MDN1: variants seen among roughly 807,000 people sequenced by gnomAD.
The protein encoded by MDN1 is midasin AAA ATPase 1.
In MDN1, 266 loss-of-function variants were observed where a neutral mutation model predicts 669.2. The ratio of observed to expected loss-of-function variants is 0.40; its 90% CI spans 0.36 to 0.44. The LOEUF (loss-of-function observed/expected upper bound fraction) is 0.44. Among genes scored for constraint, MDN1 ranks in the 20% least tolerant of loss-of-function variants. The probability of loss-of-function intolerance (pLI) is 1.00; values close to 1 mark genes in which losing one functional copy is unlikely to be tolerated. For missense variants in MDN1, 5,940 were observed against 6,754.0 expected (o/e 0.88, Z 4.22); for synonymous variants, 2,385 against 2,457.1 (o/e 0.97, Z 0.87).
rs377734093 is a variant in MDN1 at position 89,692,610 on chromosome 6, G to A, written c.10420C>T (p.Leu3474=). ...SEEVLRGLGK[L]ILKRSGGKEL... ...TTTCCTCCTGAGCGCTTGAGGATTAGCTTCCCAAGGCCTCGTAGAACCTCC... is the reference window on the plus strand; with the variant it reads ...TTTCCTCCTGAGCGCTTGAGGATTAACTTCCCAAGGCCTCGTAGAACCTCC... The change falls in exon 63 of 102, where the codon CTA becomes TTA. Residue 3474 remains leucine (L), a synonymous_variant. Coordinates refer to ENST00000369393, the MANE Select transcript of MDN1 (RefSeq NM_014611.3). 9 of 1,614,110 alleles carry A rather than the reference G, an allele frequency of 5.6e-6. No homozygotes were observed. Among genetic ancestry groups the A allele is most frequent in the South Asian group, 1.1e-5 (1 of 91,082 alleles).
intron 17 of MDN1, among the ~76,000 whole-genome samples, chr6:89,760,659 G>T (rs1340133358): frequency 6.6e-6 from 1 of 151,940 alleles, no homozygotes; most frequent in African/African-American, 2.4e-5. Context: ...ATCTTATTTG[G>T]CTTGAAAAAA....
At chr6:89,681,460 C>T (rs983094038) in intron 73 of MDN1, among the ~76,000 whole-genome samples, 1 of 152,116 alleles carries the variant, frequency 6.6e-6, no homozygotes, top group Non-Finnish European at 1.5e-5. Context: ...AGGCATGAGC[C>T]ACCGCACCTC....
chr6:89,740,051 A>G (rs1660246441), intron 32 of MDN1, among the ~76,000 whole-genome samples, 183 bp downstream of exon 32: 1 of 152,202 alleles, frequency 6.6e-6, no homozygotes, highest in Admixed American at 6.5e-5. Context: ...AAATAAGGAG[A>G]TATTTGTGTC....
chr6:89,818,534 C>A (rs917035565), intron 1 of MDN1, among the ~76,000 whole-genome samples: 1 of 150,996 alleles, frequency 6.6e-6, no homozygotes, highest in Non-Finnish European at 1.5e-5. Flanking sequence ...CCACACTCAC[C>A]TGTCCCGTGG....
chr6:89,734,837 T>C (rs1815847243), intron 33 of MDN1, among the ~76,000 whole-genome samples: 1 of 151,964 alleles, frequency 6.6e-6, no homozygotes, highest in Non-Finnish European at 1.5e-5. Context: ...ATACAGTTTC[T>C]TATCTCCACT....
chr6:89,810,620 G>A (rs1003356906), intron 1 of MDN1, among the ~76,000 whole-genome samples: 1 of 152,044 alleles, frequency 6.6e-6, no homozygotes, highest in Non-Finnish European at 1.5e-5. Context: ...GCTGTTCCTT[G>A]TCTCACAGAT....
Position 89,794,652 on chromosome 6 carries a change from T to A in MDN1, c.479A>T (p.Gln160Leu). 6.2e-7 allele frequency: 1 copy of A among 1,614,120 alleles called. No homozygotes were observed. The highest frequency in any genetic ancestry group is 8.5e-7 in the Non-Finnish European group (1 of 1,180,030). The change falls in exon 3 of 102, where the codon CAG becomes CTG. Residue 160 changes from glutamine to leucine, a missense_variant. Physicochemically the swap from Gln to Leu is moderately radical, Grantham distance 113. Around this residue, in one of 5 missense-constraint regions of MDN1, gnomAD observed 1,203 missense variants for 1,268.9 expected, o/e 0.95. Coordinates refer to ENST00000369393, the MANE Select transcript of MDN1 (RefSeq NM_014611.3). ...GTCCCAGAGCTCCCGGAACACAGAC[T>A]GCTCCTGCTGCAGAAACTTGAAGGC... ...EAAFKFLQQE[Q>L]SVFRELWDWS...
chr6:89,807,553 C>T (rs910430364), intron 1 of MDN1, among the ~76,000 whole-genome samples: 22 of 152,060 alleles, frequency 1.4e-4, no homozygotes, highest in African/African-American at 5.3e-4. Context: ...CATGATGTGG[C>T]TTGGTGTGGT....
At chr6:89,799,103 C>T (rs2128328290) in intron 2 of MDN1, among the ~76,000 whole-genome samples, 1 of 152,286 alleles carries the variant, frequency 6.6e-6, no homozygotes, top group South Asian at 2.1e-4. Flanking sequence ...AAATGTGTAA[C>T]AGCAACTATT....
At chr6:89,783,025 G>T (rs1267532931) in intron 9 of MDN1, among the ~76,000 whole-genome samples, 2 of 152,086 alleles carry the variant, frequency 1.3e-5, no homozygotes, top group African/African-American at 4.8e-5. Context: ...TGTACAAATT[G>T]ATCATAAAAC....
intron 20 of MDN1, among the ~76,000 whole-genome samples, chr6:89,755,110 C>A (rs1817174722): frequency 6.6e-6 from 1 of 152,062 alleles, no homozygotes; most frequent in African/African-American, 2.4e-5. Context: ...TTACCTTTAG[C>A]ATCTGGAATC....
Position 89,677,595 on chromosome 6 carries a change from T to C in MDN1, c.12514A>G (p.Ser4172Gly). The change falls in exon 76 of 102, where the codon AGC becomes GGC. Residue 4172 changes from serine (S) to glycine (G), a missense_variant. Transcript: ENST00000369393. Reference protein sequence around the residue: ...LDLQSALSIVSSTQEADSRLL... With the variant: ...LDLQSALSIVGSTQEADSRLL... The stretch of plus-strand genomic sequence containing the variant: ...CTAGAATCAGCCTCCTGAGTGCTGC[T>C]GACGATGGACAATGCGCTCTGGAGA... 6.2e-7 allele frequency: 1 copy of C among 1,614,216 alleles called. No individual in the cohort carries two copies. Among genetic ancestry groups the C allele is most frequent in the African/African-American group, 1.3e-5 (1 of 75,062 alleles).
chr6:89,741,819 G>C (rs778370289), intron 31 of MDN1, among the ~76,000 whole-genome samples: 2 of 151,936 alleles, frequency 1.3e-5, no homozygotes, highest in Non-Finnish European at 2.9e-5. Context: ...CCCTAGCCTC[G>C]GCCGGGCACA....
Position 89,686,929 on chromosome 6 carries a change from T to A in MDN1, c.11545A>T (p.Met3849Leu). The A allele has an allele frequency of 6.2e-7, 1 of 1,613,982 alleles. No individual in the cohort carries two copies. Among genetic ancestry groups the A allele is most frequent in the East Asian group, 2.2e-5 (1 of 44,848 alleles). Residue 3849 changes from methionine (M) to leucine (L), a missense_variant, in exon 69 of 102, where the codon ATG becomes TTG. By Grantham distance (15) the Met-to-Leu change is conservative. Around this residue, in one of 5 missense-constraint regions of MDN1, gnomAD observed 2,280 missense variants for 2,576.3 expected, o/e 0.88. Transcript: ENST00000369393. ...TCCTGTTCTTCTGTTTGTTCCTGCA[T>A]GTGCTTCTCAAGCATCTGATAGATG... ...FSIYQMLEKH[M>L]QEQTEEQEDD...
rs1330048052 is a variant in MDN1, at chr6:89,790,194, G to A, written c.1063C>T (p.Leu355Phe). The A allele has an allele frequency of 1.2e-6, 2 of 1,614,062 alleles. No individual in the cohort carries two copies. Among genetic ancestry groups the A allele is most frequent in the Middle Eastern group, 1.7e-4 (1 of 6,060 alleles). The change falls in exon 6 of 102, where the codon CTC becomes TTC. Residue 355 changes from leucine to phenylalanine, a missense_variant. Leu to Phe is a conservative substitution (Grantham distance 22, BLOSUM62 0). Around this residue, in one of 5 missense-constraint regions of MDN1, gnomAD observed 1,203 missense variants for 1,268.9 expected, o/e 0.95. Transcript: ENST00000369393. The stretch of plus-strand genomic sequence containing the variant: ...GTCTGATCTCCAAGCTGGACTTTGA[G>A]AAGCTGAGGAGGCTTTGTTCTACCT... The part of the protein sequence containing the change: ...VTGRTKPPQL[L>F]KVQLGDQTDS...
intron 31 of MDN1, among the ~76,000 whole-genome samples, chr6:89,741,000 G>A (rs192632156): frequency 1.3e-5 from 2 of 152,236 alleles, no homozygotes; most frequent in Non-Finnish European, 2.9e-5. Context: ...GGAAGGCCAA[G>A]GTGGGGAGAT....
At chr6:89,794,047 G>GA (rs539305407) in intron 4 of MDN1, 53 bp downstream of exon 4, 77,077 of 959,102 alleles carry the variant, frequency 0.08, no homozygotes, top group South Asian at 0.1. Flanking sequence ...CCCCAGAAAA[G>GA]AAAAAAAAAA....
At position 89,794,226 on chromosome 6, in the gene MDN1, T is replaced by G; in HGVS notation, c.555-19A>C. The G allele has an allele frequency of 7.1e-7, 1 of 1,412,330 alleles. No homozygotes were observed. Among genetic ancestry groups the G allele is most frequent in the Middle Eastern group, 1.8e-4 (1 of 5,464 alleles). The allele number at this position is 1,412,330 out of a possible 1,614,324, so 87.5% of individuals were successfully genotyped here. ...TGTATACCTAGGGAAAAAGAAAGTA[T>G]GTAAATTCAGTTTATCTGCAGTTGA... is the stretch of plus-strand genomic sequence containing the variant. On this transcript the variant is annotated intron_variant, in intron 3 of 101. Transcript: ENST00000369393.
At chr6:89,743,845 G>C (rs1230957907) in intron 29 of MDN1, 131 bp from the exon 30 acceptor site, 3 of 967,736 alleles carry the variant, frequency 3.1e-6, no homozygotes, top group Non-Finnish European at 4.7e-6. Context: ...GGCCAATGTG[G>C]AACCTCAACC....
Sources: allele counts gnomAD v4.1 joint callset (sites outside exome capture counted in the v4.1 genomes callset), GRCh38; gene constraint gnomAD v4.1.1; regional missense constraint gnomAD v4.1.1; transcripts MANE v1.5; gene names NCBI Gene and HGNC (gene_info 2026-07-23, HGNC 2026-07-21).